The following EYS variants were observed in gnomAD, a reference collection of about 807,000 sequenced individuals.
The protein encoded by EYS is EGF-like photoreceptor maintenance factor.
A neutral mutation model predicts 282.1 loss-of-function variants in EYS; 250 were observed. The observed-to-expected ratio is 0.89, with a 90% CI of 0.80 to 0.98. The LOEUF (loss-of-function observed/expected upper bound fraction) is 0.98. Among genes scored for constraint, EYS ranks in the 50% least tolerant of loss-of-function variants. The pLI, the probability that EYS is intolerant of heterozygous loss-of-function variation, is 0.00. For missense variants in EYS, 4,016 were observed against 3,709.0 expected (o/e 1.08, Z -2.15); for synonymous variants, 1,355 against 1,282.9 (o/e 1.06, Z -1.20).
chr6:63,996,571 TA>T (rs996129615), intron 34 of EYS, among the ~76,000 whole-genome samples: 1 of 151,408 alleles, frequency 6.6e-6, no homozygotes, highest in African/African-American at 2.4e-5. Flanking sequence ...AGATTAGAAA[TA>T]AAAAAAAGAA....
intron 2 of EYS, among the ~76,000 whole-genome samples, chr6:65,638,077 C>A (rs1767151780): frequency 6.6e-6 from 1 of 152,110 alleles, no homozygotes; most frequent in African/African-American, 2.4e-5. Flanking sequence ...AATGACAGCC[C>A]ATGGACAAAT....
chr6:64,760,352 T>C (rs1386817576), intron 22 of EYS, among the ~76,000 whole-genome samples: 1 of 152,146 alleles, frequency 6.6e-6, no homozygotes, highest in African/African-American at 2.4e-5. Context: ...GTTTTAGCTC[T>C]ATAAGTTCTG....
chr6:64,829,660 G>T (rs567662575), intron 19 of EYS, among the ~76,000 whole-genome samples: 52 of 152,084 alleles, frequency 3.4e-4, no homozygotes, highest in African/African-American at 1.2e-3. Context: ...TGAGGTGCCA[G>T]TTCGGAGATG....
At chr6:65,571,917 A>G (rs1368307435) in intron 2 of EYS, among the ~76,000 whole-genome samples, 1 of 152,104 alleles carries the variant, frequency 6.6e-6, no homozygotes, top group Non-Finnish European at 1.5e-5. Flanking sequence ...TCAAATTTTC[A>G]GCAGATCATT....
At chr6:65,371,739 CTCTGTG>C (rs1380674418) in intron 8 of EYS, among the ~76,000 whole-genome samples, 11 of 51,712 alleles carry the variant, frequency 2.1e-4, no homozygotes, top group Admixed American at 7.9e-4. Context: ...CTCTCTCTCT[CTCTGTG>C]TGTGTGTGTG....
intron 26 of EYS, among the ~76,000 whole-genome samples, chr6:64,542,363 T>C (rs1217119481): frequency 2.0e-5 from 3 of 152,112 alleles, no homozygotes; most frequent in African/African-American, 7.2e-5. Flanking sequence ...GTTCTATTAT[T>C]ACTAGCATAC....
At chr6:64,391,602 C>G (rs1266852843) in intron 28 of EYS, among the ~76,000 whole-genome samples, 1 of 152,038 alleles carries the variant, frequency 6.6e-6, no homozygotes, top group Non-Finnish European at 1.5e-5. Context: ...ACCAGGCCTG[C>G]CCTAAAAGAG....
chr6:65,334,912 C>G (rs199789303), intron 11 of EYS, 68 bp downstream of exon 11: 2 of 1,438,944 alleles, frequency 1.4e-6, no homozygotes, highest in East Asian at 2.3e-5. Flanking sequence ...TGAAACAGTT[C>G]GATGACTATC....
chr6:65,492,485 T>C (rs918440259), intron 4 of EYS, among the ~76,000 whole-genome samples: 3 of 152,216 alleles, frequency 2.0e-5, no homozygotes, highest in African/African-American at 7.2e-5. Flanking sequence ...CCATAAACTA[T>C]GAATGCATAC....
chr6:64,166,963 G>A (rs1764307185), intron 31 of EYS, among the ~76,000 whole-genome samples: 1 of 152,144 alleles, frequency 6.6e-6, no homozygotes, highest in African/African-American at 2.4e-5. Context: ...TAGAATCACA[G>A]TTTATAAAAT....
At chr6:64,839,046 A>G (rs186446021) in intron 19 of EYS, among the ~76,000 whole-genome samples, 1 of 152,102 alleles carries the variant, frequency 6.6e-6, no homozygotes, top group African/African-American at 2.4e-5. Flanking sequence ...TACCAATTAT[A>G]TATTTTATTC....
At chr6:64,186,916 T>C (rs999470373) in intron 31 of EYS, among the ~76,000 whole-genome samples, 1 of 152,172 alleles carries the variant, frequency 6.6e-6, no homozygotes, top group Non-Finnish European at 1.5e-5. Context: ...TTAGTTGTAC[T>C]GTTTTCTTAT....
chr6:64,852,425 G>T (rs531826638), intron 19 of EYS, among the ~76,000 whole-genome samples: 6 of 152,196 alleles, frequency 3.9e-5, no homozygotes, highest in African/African-American at 1.4e-4. Flanking sequence ...TCAGACTCCA[G>T]GTTCTTCAGC....
intron 14 of EYS, among the ~76,000 whole-genome samples, chr6:64,993,192 A>T (rs1355396744): frequency 6.6e-6 from 1 of 152,030 alleles, no homozygotes; most frequent in African/African-American, 2.4e-5. Flanking sequence ...CAAATAATTG[A>T]CATGTACCAC....
intron 2 of EYS, among the ~76,000 whole-genome samples, chr6:65,506,646 A>AT (rs1365332493): frequency 2.6e-4 from 30 of 115,586 alleles, no homozygotes; most frequent in African/African-American, 1.3e-3. Flanking sequence ...CCAGACTATG[A>AT]ATTTTTTTTT....
intron 24 of EYS, among the ~76,000 whole-genome samples, chr6:64,594,318 T>C (rs1438215399): frequency 6.6e-6 from 1 of 152,146 alleles, no homozygotes; most frequent in South Asian, 2.1e-4. Flanking sequence ...TCTTTGCTAT[T>C]GTGAATAGTG....
At chr6:65,204,000 G>A (rs919741816) in intron 12 of EYS, among the ~76,000 whole-genome samples, 2 of 151,848 alleles carry the variant, frequency 1.3e-5, no homozygotes, top group Non-Finnish European at 2.9e-5. Flanking sequence ...AATCAATATG[G>A]TCAGAAAAAA....
At chr6:64,023,808 C>T (rs140293074) in intron 33 of EYS, among the ~76,000 whole-genome samples, 10 of 152,152 alleles carry the variant, frequency 6.6e-5, no homozygotes, top group South Asian at 2.1e-4. Flanking sequence ...GGGGCTGTGC[C>T]GCGGTGTTTG....
intron 22 of EYS, among the ~76,000 whole-genome samples, chr6:64,662,245 AG>A (rs1223479775): frequency 3.2e-5 from 2 of 62,522 alleles, no homozygotes; most frequent in Non-Finnish European, 5.8e-5. Flanking sequence ...GGGTGGGGGG[AG>A]GGGGGAGGGA....
Sources: allele counts gnomAD v4.1 joint callset (sites outside exome capture counted in the v4.1 genomes callset), GRCh38; gene constraint gnomAD v4.1.1; transcripts MANE v1.5; gene names NCBI Gene and HGNC (gene_info 2026-07-23, HGNC 2026-07-21).